The following ATG7 variants were observed in gnomAD, a reference collection of about 807,000 sequenced individuals.
ATG7 encodes the protein autophagy related 7, also known as ubiquitin-like modifier-activating enzyme ATG7.
A neutral mutation model predicts 82.4 loss-of-function variants in ATG7; 70 were observed. The observed-to-expected ratio is 0.85, with a 90% CI of 0.70 to 1.04. The LOEUF (loss-of-function observed/expected upper bound fraction) is 1.04. Among genes scored for constraint, ATG7 ranks in the 50% least tolerant of loss-of-function variants. The pLI is 0.00. For missense variants in ATG7, 792 were observed against 864.3 expected (o/e 0.92, Z 1.05); for synonymous variants, 287 against 313.0 (o/e 0.92, Z 0.88).
intron 20 of ATG7, among the ~76,000 whole-genome samples, chr3:11,525,029 CACTT>C (rs1271104503): frequency 1.4e-5 from 2 of 145,952 alleles, no homozygotes; most frequent in East Asian, 2.0e-4. Flanking sequence ...GTGCAAATCT[CACTT>C]TATTTATTTA....
chr3:11,362,491 G>A (rs2076346835), intron 16 of ATG7, among the ~76,000 whole-genome samples: 1 of 152,158 alleles, frequency 6.6e-6, no homozygotes, highest in East Asian at 1.9e-4. Context: ...AAGCACAGTA[G>A]AACTGAATTG....
the ATG7 span, chr3:11,568,600 C>T: frequency 1.3e-6 from 2 of 1,566,352 alleles, no homozygotes; most frequent in African/African-American, 1.4e-5. The surrounding 1 kb of genome is among the most constrained non-coding windows in gnomAD (Gnocchi z 5.9). Flanking sequence ...TTATACATTA[C>T]TCACATTTCC....
At chr3:11,281,788 A>T (rs1478017627) in intron 2 of ATG7, among the ~76,000 whole-genome samples, 4 of 151,982 alleles carry the variant, frequency 2.6e-5, no homozygotes, top group Admixed American at 1.3e-4. Context: ...AAAAAAAAAA[A>T]AAAGAGAAAA....
At chr3:11,353,988 T>C (rs1233234416) in intron 14 of ATG7, among the ~76,000 whole-genome samples, 1 of 152,164 alleles carries the variant, frequency 6.6e-6, no homozygotes, top group East Asian at 1.9e-4. Flanking sequence ...TTTCACTGGG[T>C]AGCTGGCCTG....
At chr3:11,545,486 G>GCAGC (rs921026239) in intron 20 of ATG7, among the ~76,000 whole-genome samples, 1 of 152,170 alleles carries the variant, frequency 6.6e-6, no homozygotes, top group Non-Finnish European at 1.5e-5. Context: ...TCCACGGCCT[G>GCAGC]CAGCCGCTCC....
intron 7 of ATG7, among the ~76,000 whole-genome samples, chr3:11,311,675 A>T (rs964273518): frequency 6.6e-6 from 1 of 151,526 alleles, no homozygotes; most frequent in East Asian, 1.9e-4. Flanking sequence ...AATATCGGTT[A>T]TGACAAATCA....
At chr3:11,446,490 G>A in intron 20 of ATG7, 1 of 444,892 alleles carries the variant, frequency 2.2e-6, no homozygotes. Context: ...ATACTTTATT[G>A]TATCTGGTTT....
At chr3:11,444,538 A>G (rs910908399) in intron 20 of ATG7, among the ~76,000 whole-genome samples, 3 of 152,178 alleles carry the variant, frequency 2.0e-5, no homozygotes, top group Non-Finnish European at 4.4e-5. Context: ...ATCTCATACT[A>G]GAATTGTTGG....
intron 20 of ATG7, among the ~76,000 whole-genome samples, chr3:11,503,109 T>G (rs1278714334): frequency 6.6e-6 from 1 of 151,606 alleles, no homozygotes; most frequent in Non-Finnish European, 1.5e-5. Context: ...GGCAGGAGAG[T>G]GGGCAGTCCT....
intron 19 of ATG7, among the ~76,000 whole-genome samples, chr3:11,397,435 A>C (rs2079403560): frequency 9.8e-3 from 1 of 102 alleles, no homozygotes; most frequent in African/African-American, 0.033. Context: ...ATATATAAAA[A>C]ATTTACAAGA....
intron 19 of ATG7, among the ~76,000 whole-genome samples, chr3:11,403,155 A>C (rs75772706): frequency 0.015 from 2,266 of 152,306 alleles, 56 homozygotes; most frequent in African/African-American, 0.052. Flanking sequence ...TACAATTTAC[A>C]TACCAGAAAA....
At chr3:11,425,219 C>T (rs1213353470) in intron 19 of ATG7, among the ~76,000 whole-genome samples, 3 of 152,162 alleles carry the variant, frequency 2.0e-5, no homozygotes, top group African/African-American at 7.2e-5. Flanking sequence ...CTGCCTTGGC[C>T]ACCCAAAATG....
chr3:11,548,854 G>A (rs1460170604), intron 20 of ATG7, among the ~76,000 whole-genome samples: 6 of 152,218 alleles, frequency 3.9e-5, no homozygotes, highest in Admixed American at 3.9e-4. Flanking sequence ...TTCGTATAGT[G>A]GAGGTGTGTC....
intron 20 of ATG7, among the ~76,000 whole-genome samples, chr3:11,464,443 C>A (rs1324373239): frequency 6.6e-6 from 1 of 152,160 alleles, no homozygotes; most frequent in Non-Finnish European, 1.5e-5. Context: ...TGGAATGTCC[C>A]AGTTGGTTAA....
chr3:11,302,339 A>C (rs966625239), intron 5 of ATG7, among the ~76,000 whole-genome samples: 70 of 152,214 alleles, frequency 4.6e-4, no homozygotes, highest in African/African-American at 1.7e-3. Context: ...GAGAAGTTTA[A>C]TGAAAGTGCT....
At chr3:11,531,550 C>T (rs2124978469) in intron 20 of ATG7, among the ~76,000 whole-genome samples, 1 of 152,312 alleles carries the variant, frequency 6.6e-6, no homozygotes, top group African/African-American at 2.4e-5. Context: ...TATTGGTTTG[C>T]ACTAAACTCT....
chr3:11,412,079 C>T (rs1344320375), intron 19 of ATG7, among the ~76,000 whole-genome samples: 1 of 151,828 alleles, frequency 6.6e-6, no homozygotes, highest in African/African-American at 2.4e-5. Context: ...AGAAACAAGG[C>T]TTTAAATCTG....
At chr3:11,566,905 A>G in the ATG7 span, among the ~76,000 whole-genome samples, 2 of 152,294 alleles carry the variant, frequency 1.3e-5, no homozygotes, top group African/African-American at 2.4e-5. Context: ...GAAGAGAAGC[A>G]GCATATGGGT....
intron 9 of ATG7, among the ~76,000 whole-genome samples, chr3:11,331,076 T>A (rs1374076585): frequency 1.3e-5 from 2 of 152,160 alleles, no homozygotes; most frequent in Non-Finnish European, 2.9e-5. Context: ...TCCTTCTACG[T>A]GTATTTAGCT....
Sources: gnomAD v4.1 joint callset for allele counts (sites outside exome capture counted in the v4.1 genomes callset) on GRCh38, gnomAD v4.1.1 for gene constraint, Gnocchi (gnomAD v3.1) non-coding constraint, MANE v1.5 for transcripts, NCBI Gene and HGNC (gene_info 2026-07-23, HGNC 2026-07-21) for gene names.